Variants in BAHCC1 observed in about 807,000 individuals in gnomAD.
BAHCC1 encodes the protein BAH and coiled-coil domain-containing protein 1.
BAHCC1 carries 43 observed loss-of-function variants against 88.2 expected under a neutral mutation model. The ratio of observed to expected loss-of-function variants is 0.49; its 90% CI spans 0.38 to 0.63. The LOEUF is 0.63. BAHCC1 is among the 20% of genes least tolerant of loss of function. The pLI, the probability that BAHCC1 is intolerant of heterozygous loss-of-function variation, is 0.00. For synonymous variants in BAHCC1, 1,510 were observed against 745.5 expected, an observed-to-expected ratio of 2.03 and a Z score of -16.71; for missense variants, 3,023 against 1,654.8, an observed-to-expected ratio of 1.83 and a Z score of -14.34.
intron 11 of BAHCC1, among the ~76,000 whole-genome samples, chr17:81,449,958 G>A (rs1393098763): frequency 6.6e-6 from 1 of 152,096 alleles, no homozygotes; most frequent in African/African-American, 2.4e-5. Context: ...TGCCTTTGGT[G>A]GAATCTCAGG....
In BAHCC1 at chr17:81,442,462, G is replaced by A. The variant is rs1410855962; in HGVS notation, c.1113G>A (p.Gly371=). The A allele has an allele frequency of 2.8e-6, 2 of 716,532 alleles. No individual in the cohort carries two copies. Among genetic ancestry groups the A allele is most frequent in the African/African-American group, 1.8e-5 (1 of 57,120 alleles). 44.4% of individuals were successfully genotyped at this position (716,532 alleles called of 1,614,324 possible). Residue 371 remains glycine, a synonymous_variant, in exon 5 of 28, where the codon GGG becomes GGA. Coordinates refer to ENST00000675386, the MANE Select transcript of BAHCC1 (RefSeq NM_001377448.1). ...CCTTCCCCTGCCTGCAGCTGCACGG[G>A]GGCCCTGACGGGCTCTGCCCGCTGC... is the stretch of plus-strand genomic sequence containing the variant. ...AGSFPCLQLH[G]GPDGLCPLQD... is the part of the protein sequence containing the mutation.
chr17:81,462,667 C>A (rs2030406902), intron 26 of BAHCC1, 73 bp from the exon 27 acceptor site: 6 of 699,368 alleles, frequency 8.6e-6, no homozygotes, highest in Admixed American at 2.0e-5. Context: ...CCACACCCTC[C>A]ATGCCTCCTG....
chr17:81,399,514 C>T lies in BAHCC1; in HGVS notation c.-206-20C>T, dbSNP rs782727923. ...CGAGCCCCCCAGTCACCCGTGTCTC[C>T]TCTGCTTTTGCCTCCACAGACCATG... On this transcript the variant is annotated intron_variant, in intron 1 of 27. Coordinates refer to ENST00000675386, the MANE Select transcript of BAHCC1 (RefSeq NM_001377448.1). The surrounding 1 kb of genome is among the most constrained non-coding windows in gnomAD (Gnocchi z 4.5). 4.5e-4 allele frequency: 152 copies of T among 340,678 alleles called. No homozygotes were observed. The highest frequency in any genetic ancestry group is 3.3e-3 in the African/African-American group (145 of 44,398). 21.1% of individuals were successfully genotyped at this position (340,678 alleles called of 1,614,324 possible).
At chr17:81,422,008 C>A in intron 2 of BAHCC1, 1 of 294,794 alleles carries the variant, frequency 3.4e-6, no homozygotes, top group South Asian at 2.1e-5. Flanking sequence ...TCCGCTTCCT[C>A]TCGTGATTTT....
chr17:81,442,831 C>G lies in BAHCC1; in HGVS notation c.1482C>G (p.Phe494Leu), dbSNP rs781806973. The G allele has an allele frequency of 2.6e-6, 2 of 779,560 alleles. No individual in the cohort carries two copies. The highest frequency in any genetic ancestry group is 2.7e-5 in the South Asian group (2 of 74,630). The allele number at this position is 779,560 out of a possible 1,614,324, so 48.3% of individuals were successfully genotyped here. Residue 494 changes from phenylalanine to leucine, a missense_variant, in exon 5 of 28, where the codon TTC (phenylalanine) becomes TTG (leucine). Phe to Leu is a conservative substitution (Grantham distance 22). Transcript: ENST00000675386. Reference protein sequence around the residue: ...PKSGLDKSGYFELPTSSQDCA... With the variant: ...PKSGLDKSGYLELPTSSQDCA... Reference sequence around the variant, plus strand: ...GCGGTCTGGACAAAAGCGGCTACTTCGAGTTGCCCACCTCTTCACAGGACT... The same window carrying G: ...GCGGTCTGGACAAAAGCGGCTACTTGGAGTTGCCCACCTCTTCACAGGACT...
intron 11 of BAHCC1, among the ~76,000 whole-genome samples, chr17:81,449,043 C>T (rs74002279): frequency 1.1e-3 from 175 of 152,312 alleles, no homozygotes; most frequent in African/African-American, 3.6e-3. Context: ...TAGCAGGTCC[C>T]GTGTGTATGG....
In BAHCC1 at chr17:81,434,827, G is replaced by T. The variant is rs553629807; in HGVS notation, c.359-3543G>T. ...GGCCTGGAGAGGGCAGGGCCTCGAC[G>T]TGCGGGGCTGTTGGGAAAATGTGCT... On this transcript the variant is annotated intron_variant, in intron 3 of 27. Transcript: ENST00000675386. The surrounding 1 kb of genome is among the most constrained non-coding windows in gnomAD (Gnocchi z 4.9). Among the ~76,000 whole-genome samples the T allele has an allele frequency of 1.2e-4, 19 of 152,228 alleles. No homozygotes were observed. In the Middle Eastern group the frequency reaches 0.01, roughly 82 times the overall value.
rs4998274 is a variant in BAHCC1 at position 81,411,526 on chromosome 17, T to G, written c.178+11609T>G. On this transcript the variant is annotated intron_variant, in intron 2 of 27. Transcript: ENST00000675386. This position sits in a 1 kb window ranked among gnomAD's most constrained non-coding sequence, Gnocchi z 6.2. ...TGCCTGCCTGCCTGCCTTCCTTCCT[T>G]CCTTCCTTCCTTCCTTCCTTCCTTC... The G allele has an allele frequency of 0.041, 7,473 of 180,446 alleles. 129 individuals are homozygous for G. Among genetic ancestry groups the G allele is most frequent in the African/African-American group, 0.15 (2,727 of 18,514 alleles). The allele number at this position is 180,446 out of a possible 1,614,324, so 11.2% of individuals were successfully genotyped here. A position where few individuals can be genotyped will look rare whatever the true frequency, so the allele number is the denominator to read the frequency against.
At position 81,461,597 on chromosome 17, in the gene BAHCC1, G is replaced by T. The variant is rs1463390495; in HGVS notation, c.6934G>T (p.Ala2312Ser). The T allele has an allele frequency of 1.2e-5, 9 of 720,618 alleles. No individual in the cohort carries two copies. In the Admixed American group the frequency reaches 1.8e-4, roughly 14 times the overall value. The allele number at this position is 720,618 out of a possible 1,614,324, so 44.6% of individuals were successfully genotyped here. Residue 2312 changes from alanine to serine, a missense_variant, in exon 26 of 28, where the codon GCC (alanine) becomes TCC (serine). By Grantham distance (99) the Ala-to-Ser change is moderately conservative. Coordinates refer to ENST00000675386, the MANE Select transcript of BAHCC1 (RefSeq NM_001377448.1). The part of the protein sequence containing the change: ...LAAGVPSRFL[A>S]RLSVSSSSSG... Reference sequence around the variant, plus strand: ...GGCCGGCGTGCCCTCCCGCTTCCTCGCCCGCCTGTCCGTGTCCTCTTCCTC... The same window carrying T: ...GGCCGGCGTGCCCTCCCGCTTCCTCTCCCGCCTGTCCGTGTCCTCTTCCTC...
At chr17:81,437,623 T>C (rs1287673634) in intron 3 of BAHCC1, among the ~76,000 whole-genome samples, 1 of 152,192 alleles carries the variant, frequency 6.6e-6, no homozygotes, top group Non-Finnish European at 1.5e-5. Flanking sequence ...GGTGGCTGGG[T>C]GTGGCTGGCT....
intron 4 of BAHCC1, among the ~76,000 whole-genome samples, chr17:81,441,199 G>A (rs12943036): frequency 0.12 from 17,524 of 152,238 alleles, 1,295 homozygotes; most frequent in African/African-American, 0.21. Flanking sequence ...TGGGGGCAGA[G>A]GGTGAGTGTT....
At chr17:81,410,721 A>G (rs2063939467) in intron 2 of BAHCC1, among the ~76,000 whole-genome samples, 2 of 152,110 alleles carry the variant, frequency 1.3e-5, no homozygotes, top group African/African-American at 4.8e-5. Context: ...GGGACTTCAG[A>G]GAGCTTCCCA....
Position 81,466,080 on chromosome 17 carries a change from C to T in BAHCC1, c.*2263C>T, listed in dbSNP as rs14640. 131,511 of 152,412 alleles carry T rather than the reference C, an allele frequency of 0.86. 56,939 individuals carry two copies. The highest frequency in any genetic ancestry group is 0.93 in the African/African-American group (38,517 of 41,516). The allele number at this position is 152,412 out of a possible 1,614,324, so 9.4% of individuals were successfully genotyped here. ...CGCTTTGTCCCTGGTTTTTTCCTTT[C>T]TTTTTCTGTGTGCGTGCGAATGGTG... On this transcript the variant is annotated 3_prime_UTR_variant, in exon 28 of 28. Coordinates refer to ENST00000675386, the MANE Select transcript of BAHCC1 (RefSeq NM_001377448.1).
intron 2 of BAHCC1, among the ~76,000 whole-genome samples, chr17:81,409,611 A>G (rs118189087): frequency 0.061 from 9,266 of 152,272 alleles, 481 homozygotes; most frequent in Admixed American, 0.14. Context: ...CATCTGGGTC[A>G]TAGAGCACTA....
Position 81,399,531 on chromosome 17 carries a change from C to T in BAHCC1, c.-206-3C>T. The stretch of plus-strand genomic sequence containing the variant: ...CGTGTCTCCTCTGCTTTTGCCTCCA[C>T]AGACCATGGACCCGCACAGCGGCCG... On this transcript the variant is annotated splice_polypyrimidine_tract_variant and splice_region_variant and intron_variant, in intron 1 of 27. Transcript: ENST00000675386. This position sits in a 1 kb window ranked among gnomAD's most constrained non-coding sequence, Gnocchi z 4.5. The T allele has an allele frequency of 2.7e-6, 1 of 375,128 alleles. No homozygotes were observed. The allele number at this position is 375,128 out of a possible 1,614,324, so 23.2% of individuals were successfully genotyped here.
Position 81,434,450 on chromosome 17 carries a change from T to C in BAHCC1, c.359-3920T>C, listed in dbSNP as rs1555651424. Among the ~76,000 whole-genome samples, 1 of 152,166 alleles carries C rather than the reference T, an allele frequency of 6.6e-6. No individual in the cohort carries two copies. Among genetic ancestry groups the C allele is most frequent in the African/African-American group, 2.4e-5 (1 of 41,446 alleles). On this transcript the variant is annotated intron_variant, in intron 3 of 27. Transcript: ENST00000675386. The surrounding 1 kb of genome is among the most constrained non-coding windows in gnomAD (Gnocchi z 4.9). ...GGTGGGGTGTCCGCTGTAGAAGGTTTTGTCCTCAAAGGCGTGCGGGCTGGG... is the reference window on the plus strand; with the variant it reads ...GGTGGGGTGTCCGCTGTAGAAGGTTCTGTCCTCAAAGGCGTGCGGGCTGGG...
intron 2 of BAHCC1, among the ~76,000 whole-genome samples, chr17:81,423,258 G>A (rs991122625): frequency 6.6e-6 from 1 of 152,166 alleles, no homozygotes; most frequent in Non-Finnish European, 1.5e-5. Flanking sequence ...GGCTGCGTTC[G>A]CACACGAGAG....
At chr17:81,432,423 AGGGT>A (rs2064270788) in intron 3 of BAHCC1, among the ~76,000 whole-genome samples, 1 of 151,964 alleles carries the variant, frequency 6.6e-6, no homozygotes, top group Non-Finnish European at 1.5e-5. Flanking sequence ...GCTGATGTCC[AGGGT>A]GCCGGCGAAG....
rs1598444133 is a variant in BAHCC1 at position 81,399,427 on chromosome 17, C to T, written c.-206-107C>T. ...CCGGCCTGGCCGCCGCTCGCTCGGG[C>T]CGGCGGGGGTGGGGGGTGGGGGGAG... On this transcript the variant is annotated intron_variant, in intron 1 of 27. Transcript: ENST00000675386. This position sits in a 1 kb window ranked among gnomAD's most constrained non-coding sequence, Gnocchi z 4.5. 1.7e-5 allele frequency: 2 copies of T among 117,554 alleles called. 1 individual carries two copies. Among genetic ancestry groups the T allele is most frequent in the South Asian group, 4.2e-4 (2 of 4,780 alleles). 7.3% of individuals were successfully genotyped at this position (117,554 alleles called of 1,614,324 possible).
Sources: allele counts gnomAD v4.1 joint callset (sites outside exome capture counted in the v4.1 genomes callset), GRCh38; gene constraint gnomAD v4.1.1; non-coding constraint Gnocchi (gnomAD v3.1); transcripts MANE v1.5; gene names NCBI Gene and HGNC (gene_info 2026-07-23, HGNC 2026-07-21).